Variants in DCP2 observed in about 807,000 individuals in gnomAD.
DCP2 encodes the protein m7GpppN-mRNA hydrolase.
A neutral mutation model predicts 56.1 loss-of-function variants in DCP2; 30 were observed. The ratio of observed to expected loss-of-function variants is 0.53; its 90% confidence interval spans 0.40 to 0.73. DCP2 has a LOEUF of 0.73. Among genes scored for constraint, DCP2 ranks in the 30% least tolerant of loss-of-function variants. The pLI is 0.00. For synonymous variants in DCP2, 197 were observed against 163.3 expected (o/e 1.21, Z -1.57); for missense variants, 533 against 502.7 (o/e 1.06, Z -0.58).
rs772328965 is a variant in DCP2 at position 113,013,469 on chromosome 5, A to G, written c.1248A>G (p.Lys416=). The G allele has an allele frequency of 2.5e-6, 4 of 1,613,946 alleles. No homozygotes were observed. The South Asian group carries it at 4.4e-5, about 18-fold the overall frequency. ...SFKFDHNAIM[K]ILDL The stretch of plus-strand genomic sequence containing the variant: ...AGTTTGACCATAATGCTATAATGAA[A>G]ATCTTGGACCTTTGATAGCAGCACA... The change falls in exon 11 of 11, where the codon AAA becomes AAG. Residue 416 remains lysine (K), a synonymous_variant. Transcript: ENST00000389063.
At chr5:112,980,093 G>A (rs1044216308) in intron 1 of DCP2, among the ~76,000 whole-genome samples, 3 of 152,086 alleles carry the variant, frequency 2.0e-5, no homozygotes, top group Non-Finnish European at 2.9e-5. Flanking sequence ...AGCATTTTAT[G>A]GTGATACTTG....
intron 7 of DCP2, among the ~76,000 whole-genome samples, chr5:113,003,385 G>A (rs999963737): frequency 1.3e-5 from 2 of 152,016 alleles, no homozygotes; most frequent in Admixed American, 1.3e-4. Flanking sequence ...TCATCTTTCA[G>A]CTAGGATGTG....
Position 113,004,011 on chromosome 5 carries a change from C to A in DCP2, c.876C>A (p.His292Gln). ...DGSPGDQWVK[H>Q]RQPLQQKPYN... is the part of the protein sequence containing the mutation. ...CTCCTGGTGACCAGTGGGTAAAGCA[C>A]AGGCAACCACTGCAGCAAAAGCCAT... The change falls in exon 8 of 11, where the codon CAC becomes CAA. Residue 292 changes from histidine (H) to glutamine (Q), a missense_variant. By Grantham distance (24) the His-to-Gln change is conservative (BLOSUM62 0). Coordinates refer to ENST00000389063, the MANE Select transcript of DCP2 (RefSeq NM_152624.6). The A allele has an allele frequency of 6.2e-7, 1 of 1,614,102 alleles. No homozygotes were observed. The highest frequency in any genetic ancestry group is 2.2e-5 in the East Asian group (1 of 44,860).
At chr5:112,993,497 A>G (rs1036247491) in intron 4 of DCP2, among the ~76,000 whole-genome samples, 1 of 151,942 alleles carries the variant, frequency 6.6e-6, no homozygotes, top group African/African-American at 2.4e-5. Flanking sequence ...GTGGTGGTAC[A>G]TTCCTGTAAT....
chr5:113,004,125 C>G (rs762585245), intron 8 of DCP2, 48 bp downstream of exon 8: 3 of 1,587,070 alleles, frequency 1.9e-6, no homozygotes, highest in Non-Finnish European at 1.7e-6. Context: ...GATCATTTGG[C>G]TTTGAAATTT....
chr5:112,984,694 AAAAAAAAAAATATATAT>A (rs1748167992), intron 1 of DCP2: 1 of 113,416 alleles, frequency 8.8e-6, no homozygotes, highest in South Asian at 2.7e-4. Context: ...ATTAAAAAAA[AAAAAAAAAAATATATAT>A]ATATATATAT....
intron 10 of DCP2, among the ~76,000 whole-genome samples, chr5:113,011,581 C>A (rs1749682267): frequency 6.6e-6 from 1 of 152,276 alleles, no homozygotes; most frequent in East Asian, 1.9e-4. Flanking sequence ...AAAGCATTAT[C>A]ATATTCTTTT....
Position 113,007,795 on chromosome 5 carries a change from T to A in DCP2, c.943-143T>A, listed in dbSNP as rs533718937. ...CACTGACTTCTATAAGAAAATACAT[T>A]GATAGGGTGATTAATGAAAATTTGG... On this transcript the variant is annotated intron_variant, in intron 8 of 10. Transcript: ENST00000389063. The A allele has an allele frequency of 9.5e-6, 6 of 634,220 alleles. No homozygotes were observed. The Admixed American group carries it at 1.2e-4, about 12-fold the overall frequency. 39.3% of individuals were successfully genotyped at this position (634,220 alleles called of 1,614,324 possible). A position where few individuals can be genotyped will look rare whatever the true frequency, so the allele number is the denominator to read the frequency against.
intron 1 of DCP2, among the ~76,000 whole-genome samples, chr5:112,979,987 A>T (rs897988827): frequency 2.6e-5 from 4 of 152,172 alleles, no homozygotes; most frequent in African/African-American, 7.2e-5. Context: ...AGTGGAGTAG[A>T]ATTAGAGGAG....
chr5:113,011,239 GC>G (rs1257517675), intron 10 of DCP2, among the ~76,000 whole-genome samples: 2 of 152,138 alleles, frequency 1.3e-5, no homozygotes, highest in African/African-American at 2.4e-5. Context: ...AAATTTGTAT[GC>G]CTTTTTTCCA....
chr5:113,000,948 A>G (rs902197222), intron 4 of DCP2, 136 bp from the exon 5 acceptor site: 5 of 900,350 alleles, frequency 5.6e-6, no homozygotes, highest in Non-Finnish European at 1.6e-6. Flanking sequence ...GCATTTCTGT[A>G]CCAGCCTGTC....
At chr5:112,989,926 GTGA>G (rs34620985) in intron 2 of DCP2, among the ~76,000 whole-genome samples, 40,525 of 151,860 alleles carry the variant, frequency 0.27, 6,690 homozygotes, top group African/African-American at 0.48. Flanking sequence ...GGTAAGATTG[GTGA>G]TGATTTGGAT....
At chr5:112,994,746 C>T (rs1236631759) in intron 4 of DCP2, among the ~76,000 whole-genome samples, 1 of 152,136 alleles carries the variant, frequency 6.6e-6, no homozygotes, top group Admixed American at 6.5e-5. Flanking sequence ...GATTTTTGTT[C>T]TAGCATACAT....
At chr5:113,012,656 T>G (rs373804495) in intron 10 of DCP2, among the ~76,000 whole-genome samples, 2 of 152,332 alleles carry the variant, frequency 1.3e-5, no homozygotes, top group South Asian at 4.1e-4. Flanking sequence ...TTTCTTTTGT[T>G]TTTTTGAGAC....
chr5:113,018,744 A>C lies in DCP2; in HGVS notation c.*5260A>C, dbSNP rs1749992211. 1 of 152,238 alleles carries C rather than the reference A, an allele frequency of 6.6e-6. No homozygotes were observed. Among genetic ancestry groups the C allele is most frequent in the South Asian group, 2.1e-4 (1 of 4,838 alleles). 9.4% of individuals were successfully genotyped at this position (152,238 alleles called of 1,614,324 possible). ...ATCCTTTTTCTTGGTGTGACTGGCC[A>C]GGAAAAAGTCCATTGAGTCCTTTTT... is the stretch of plus-strand genomic sequence containing the variant. On this transcript the variant is annotated 3_prime_UTR_variant, in exon 11 of 11. Transcript: ENST00000389063.
intron 8 of DCP2, among the ~76,000 whole-genome samples, chr5:113,006,162 G>T (rs1749424949): frequency 6.6e-6 from 1 of 151,832 alleles, no homozygotes; most frequent in Middle Eastern, 3.4e-3. Context: ...CTACAATATG[G>T]GTAAACCTCG....
rs915117364 is a variant in DCP2 at position 112,992,103 on chromosome 5, C to T, written c.206-18C>T. On this transcript the variant is annotated intron_variant, in intron 2 of 10. Coordinates refer to ENST00000389063, the MANE Select transcript of DCP2 (RefSeq NM_152624.6). The stretch of plus-strand genomic sequence containing the variant: ...GCCATATTAAAGGAGAAAGTAACTT[C>T]CTTGACACTATTTATACTCTTCAGT... The T allele has an allele frequency of 1.2e-6, 2 of 1,610,612 alleles. No individual in the cohort carries two copies. Among genetic ancestry groups the T allele is most frequent in the East Asian group, 2.2e-5 (1 of 44,722 alleles).
chr5:113,011,218 C>T (rs960396690), intron 10 of DCP2, among the ~76,000 whole-genome samples: 3 of 152,316 alleles, frequency 2.0e-5, no homozygotes, highest in Admixed American at 2.0e-4. Context: ...TCTTCCCATA[C>T]ACACGTTAGT....
In DCP2 at chr5:113,015,645, C is replaced by T. The variant is rs1749855106; in HGVS notation, c.*2161C>T. The T allele has an allele frequency of 6.6e-6, 1 of 152,600 alleles. No homozygotes were observed. Among genetic ancestry groups the T allele is most frequent in the Non-Finnish European group, 1.5e-5 (1 of 68,020 alleles). 9.5% of individuals were successfully genotyped at this position (152,600 alleles called of 1,614,324 possible). A position where few individuals can be genotyped will look rare whatever the true frequency, so the allele number is the denominator to read the frequency against. On this transcript the variant is annotated 3_prime_UTR_variant, in exon 11 of 11. Coordinates refer to ENST00000389063, the MANE Select transcript of DCP2 (RefSeq NM_152624.6). ...TTATGATAACTTCAGGCTTTTAGCTCTCCTCAAAGTTTGAGGTTAAAAAAA... is the reference window on the plus strand; with the variant it reads ...TTATGATAACTTCAGGCTTTTAGCTTTCCTCAAAGTTTGAGGTTAAAAAAA...
Sources: allele counts gnomAD v4.1 joint callset (sites outside exome capture counted in the v4.1 genomes callset), GRCh38; gene constraint gnomAD v4.1.1; transcripts MANE v1.5; gene names NCBI Gene and HGNC (gene_info 2026-07-23, HGNC 2026-07-21).